Variants in BBX observed in about 807,000 individuals in gnomAD.
The protein encoded by BBX is BBX high mobility group box domain containing.
BBX carries 30 observed loss-of-function variants against 100.2 expected under a neutral mutation model. The observed-to-expected ratio is 0.30, with a 90% CI of 0.22 to 0.41. The LOEUF (loss-of-function observed/expected upper bound fraction) is 0.41. BBX is among the 10% of genes least tolerant of loss of function. The probability of loss-of-function intolerance (pLI) is 1.00; values close to 1 mark genes in which losing one functional copy is unlikely to be tolerated. For synonymous variants in BBX, 376 were observed against 388.1 expected (o/e 0.97, Z 0.37); for missense variants, 1,023 against 1,129.8 (o/e 0.91, Z 1.35).
intron 15 of BBX, among the ~76,000 whole-genome samples, chr3:107,794,726 A>C (rs532160970): frequency 6.6e-6 from 1 of 152,200 alleles, no homozygotes; most frequent in Non-Finnish European, 1.5e-5. Context: ...ACCAAAGGCA[A>C]TTAGATTCCA....
intron 3 of BBX, among the ~76,000 whole-genome samples, chr3:107,665,474 C>CAG (rs1300196520): frequency 2.6e-5 from 4 of 152,086 alleles, no homozygotes; most frequent in African/African-American, 2.4e-5. Context: ...GCACCACTAC[C>CAG]AGAGTCTGAA....
In BBX at chr3:107,550,801, A is replaced by C. The variant is rs1026964499; in HGVS notation, c.-84+24403A>C. Among the ~76,000 whole-genome samples, 5 of 152,174 alleles carry C rather than the reference A, an allele frequency of 3.3e-5. No homozygotes were observed. In the East Asian group the frequency reaches 9.6e-4, roughly 29 times the overall value. On this transcript the variant is annotated intron_variant, in intron 2 of 17. Transcript: ENST00000325805. ...CCTCAGATGAGGAGACTATTACAGC[A>C]TCAGAGCTGGAAGTAATTACTCATC...
chr3:107,661,642 C>CA (rs2058448782), intron 3 of BBX, among the ~76,000 whole-genome samples: 1 of 152,130 alleles, frequency 6.6e-6, no homozygotes, highest in Non-Finnish European at 1.5e-5. Flanking sequence ...GTTTCAAAAC[C>CA]AAAACCCAAG....
At chr3:107,535,734 A>G (rs918266267) in intron 2 of BBX, among the ~76,000 whole-genome samples, 2 of 152,044 alleles carry the variant, frequency 1.3e-5, no homozygotes, top group Non-Finnish European at 2.9e-5. Flanking sequence ...CTGGGATTAC[A>G]GGTGCGGGTC....
intron 8 of BBX, 56 bp from the exon 9 acceptor site, chr3:107,747,909 A>T: frequency 6.9e-7 from 1 of 1,443,920 alleles, no homozygotes; most frequent in South Asian, 1.2e-5. Context: ...GCAGAATCTT[A>T]TGATCTGATG....
intron 2 of BBX, among the ~76,000 whole-genome samples, chr3:107,582,126 C>G (rs968764032): frequency 6.6e-5 from 10 of 151,684 alleles, no homozygotes; most frequent in African/African-American, 2.4e-4. Context: ...GCCAAACCTT[C>G]TTTTTAAAAA....
intron 2 of BBX, among the ~76,000 whole-genome samples, chr3:107,610,897 A>G (rs2054800534): frequency 6.7e-6 from 1 of 149,396 alleles, no homozygotes; most frequent in African/African-American, 2.5e-5. Flanking sequence ...CCATTTTGTT[A>G]TTTGTTTTCT....
chr3:107,754,919 A>G (rs2065356229), intron 9 of BBX, among the ~76,000 whole-genome samples: 3 of 152,356 alleles, frequency 2.0e-5, no homozygotes, highest in Admixed American at 6.5e-5. Flanking sequence ...GTTTATTTTT[A>G]TCAATGCCCA....
chr3:107,716,659 A>G lies in BBX; in HGVS notation c.215A>G (p.Asp72Gly). The change falls in exon 5 of 18, where the codon GAT becomes GGT. Residue 72 changes from aspartate (D) to glycine (G), a missense_variant. Coordinates refer to ENST00000325805, the MANE Select transcript of BBX (RefSeq NM_001142568.3). ...GLEQDVGETE[D>G]DESPEQRARR... Reference sequence around the variant, plus strand: ...GAGCAAGATGTTGGTGAAACTGAAGATGATGAATCACCAGAGCAGCGAGCC... The same window carrying G: ...GAGCAAGATGTTGGTGAAACTGAAGGTGATGAATCACCAGAGCAGCGAGCC... 1 of 1,613,818 alleles carries G rather than the reference A, an allele frequency of 6.2e-7. No homozygotes were observed. Among genetic ancestry groups the G allele is most frequent in the Non-Finnish European group, 8.5e-7 (1 of 1,179,792 alleles).
At chr3:107,659,066 TTAAA>T (rs1278007524) in intron 3 of BBX, among the ~76,000 whole-genome samples, 25 of 152,200 alleles carry the variant, frequency 1.6e-4, no homozygotes, top group African/African-American at 6.0e-4. Context: ...TTCCATTTGT[TTAAA>T]TAAATATATT....
intron 2 of BBX, among the ~76,000 whole-genome samples, chr3:107,637,751 A>G (rs968070951): frequency 6.6e-6 from 1 of 152,142 alleles, no homozygotes; most frequent in Non-Finnish European, 1.5e-5. Flanking sequence ...AAACCAGCTG[A>G]TGGCCTTTTG....
Position 107,783,274 on chromosome 3 carries a change from T to G in BBX, c.2203+4755T>G, listed in dbSNP as rs577540113. 5.9e-5 allele frequency among the ~76,000 whole-genome samples: 9 copies of G among 152,164 alleles called. No individual in the cohort carries two copies. In the East Asian group the frequency reaches 1.5e-3, roughly 26 times the overall value. ...TTTTTCATCTGAAGTTGTCATTTAC[T>G]TAGAGTAGTTTTATATCTATAATTT... On this transcript the variant is annotated intron_variant, in intron 13 of 17. Coordinates refer to ENST00000325805, the MANE Select transcript of BBX (RefSeq NM_001142568.3).
chr3:107,623,271 G>T (rs748342619), intron 2 of BBX, among the ~76,000 whole-genome samples: 1 of 152,172 alleles, frequency 6.6e-6, no homozygotes, highest in Non-Finnish European at 1.5e-5. Context: ...ACCCTCCTGG[G>T]ATCAGTATTC....
At chr3:107,639,875 A>G (rs896007232) in intron 2 of BBX, among the ~76,000 whole-genome samples, 1 of 152,216 alleles carries the variant, frequency 6.6e-6, no homozygotes, top group Non-Finnish European at 1.5e-5. Flanking sequence ...AATAAAATCT[A>G]TGGTGAAATA....
intron 5 of BBX, among the ~76,000 whole-genome samples, chr3:107,717,988 T>A (rs896802816): frequency 2.6e-5 from 4 of 151,786 alleles, no homozygotes; most frequent in African/African-American, 9.7e-5. Flanking sequence ...TTATTAGACA[T>A]CTCGGTATGT....
intron 5 of BBX, among the ~76,000 whole-genome samples, chr3:107,721,570 T>C (rs753793894): frequency 6.6e-6 from 1 of 152,028 alleles, no homozygotes; most frequent in Non-Finnish European, 1.5e-5. Context: ...CATTCCTTGC[T>C]TCTGAGACCT....
chr3:107,554,623 G>T, intron 2 of BBX, among the ~76,000 whole-genome samples: 1 of 152,144 alleles, frequency 6.6e-6, no homozygotes, highest in Non-Finnish European at 1.5e-5. Context: ...ATTCTGTCTA[G>T]TTTCTGTAGC....
intron 2 of BBX, among the ~76,000 whole-genome samples, chr3:107,637,194 T>A (rs1035996502): frequency 2.0e-5 from 3 of 152,190 alleles, no homozygotes; most frequent in Non-Finnish European, 2.9e-5. Flanking sequence ...TAGGAATATT[T>A]AAGAACACAA....
chr3:107,791,477 A>G (rs2069024418), intron 15 of BBX, among the ~76,000 whole-genome samples, 178 bp downstream of exon 15: 1 of 152,224 alleles, frequency 6.6e-6, no homozygotes, highest in Non-Finnish European at 1.5e-5. Flanking sequence ...ACTCCTGCCA[A>G]GGGTCAGGCA....
Sources: gnomAD v4.1 joint callset for allele counts (sites outside exome capture counted in the v4.1 genomes callset) on GRCh38, gnomAD v4.1.1 for gene constraint, MANE v1.5 for transcripts, NCBI Gene and HGNC (gene_info 2026-07-23, HGNC 2026-07-21) for gene names.